The following BTG4 variants were observed in gnomAD, a reference collection of about 807,000 sequenced individuals.
BTG4 encodes the protein BTG anti-proliferation factor 4, also known as protein BTG4.
In BTG4, 10 loss-of-function variants were observed where a neutral mutation model predicts 19.3. That is an observed-to-expected ratio of 0.52 (90% CI 0.32 to 0.88). The LOEUF is 0.88. Ranked by LOEUF, BTG4 falls within the 40% of genes least tolerant of loss-of-function variation. The pLI is 0.04. For missense variants in BTG4, 238 were observed against 281.9 expected (o/e 0.84, Z 1.11); for synonymous variants, 91 against 95.7 (o/e 0.95, Z 0.29).
the BTG4 span, among the ~76,000 whole-genome samples, chr11:111,410,596 C>G: frequency 2.6e-5 from 4 of 152,182 alleles, no homozygotes; most frequent in Non-Finnish European, 5.9e-5. Flanking sequence ...AGCACTATGA[C>G]CAACTCATTG....
At chr11:111,492,190 T>C (rs553404794), downstream of BTG4, among the ~76,000 whole-genome samples, 1 of 152,212 alleles carries the variant, frequency 6.6e-6, no homozygotes, top group South Asian at 2.1e-4. Context: ...ATCAGCAGCA[T>C]GGGGTTCAGG....
At chr11:111,431,974 C>G in the BTG4 span, among the ~76,000 whole-genome samples, 1 of 152,064 alleles carries the variant, frequency 6.6e-6, no homozygotes, top group Admixed American at 6.5e-5. Flanking sequence ...GGAAACAAAG[C>G]TAGAGCCAAA....
the BTG4 span, among the ~76,000 whole-genome samples, chr11:111,403,670 A>G: frequency 1.4e-4 from 22 of 152,208 alleles, no homozygotes; most frequent in Non-Finnish European, 2.2e-4. Context: ...TGACAAATTA[A>G]GCCACTCTCA....
the BTG4 span, chr11:111,416,307 C>CCTCTCTTTCTCTCTCTCT: frequency 6.6e-6 from 1 of 151,934 alleles, no homozygotes; most frequent in Non-Finnish European, 1.5e-5. Flanking sequence ...CCTCTCTCTC[C>CCTCTCTTTCTCTCTCTCT]CTCTCTTTCT....
chr11:111,461,318 A>G, the BTG4 span, among the ~76,000 whole-genome samples: 2 of 152,164 alleles, frequency 1.3e-5, no homozygotes, highest in African/African-American at 2.4e-5. Flanking sequence ...GGGTGAGAAC[A>G]ATTTCCTGCC....
chr11:111,431,295 C>G, the BTG4 span, among the ~76,000 whole-genome samples: 6 of 152,034 alleles, frequency 3.9e-5, no homozygotes, highest in Non-Finnish European at 2.9e-5. Flanking sequence ...TTTTTTGGAG[C>G]CCTTGATGTG....
the BTG4 span, among the ~76,000 whole-genome samples, chr11:111,429,058 A>T: frequency 6.6e-6 from 1 of 152,200 alleles, no homozygotes; most frequent in African/African-American, 2.4e-5. Flanking sequence ...AATCTATATG[A>T]CTTAAAATTT....
the BTG4 span, among the ~76,000 whole-genome samples, chr11:111,442,365 G>T: frequency 6.6e-6 from 1 of 151,906 alleles, no homozygotes; most frequent in Non-Finnish European, 1.5e-5. Flanking sequence ...GCCAGGCATG[G>T]TGGTGCACAG....
chr11:111,460,633 C>A, the BTG4 span, among the ~76,000 whole-genome samples: 4 of 152,110 alleles, frequency 2.6e-5, no homozygotes, highest in South Asian at 8.3e-4. Flanking sequence ...AGAGAGACAG[C>A]AGAGAAAGTC....
chr11:111,488,888 G>A (rs61896877), intron 5 of BTG4, among the ~76,000 whole-genome samples: 10,634 of 152,208 alleles, frequency 0.07, 469 homozygotes, highest in Middle Eastern at 0.19. Context: ...GCTCAAGACT[G>A]TAATCCCAGC....
At chr11:111,423,571 C>T in the BTG4 span, among the ~76,000 whole-genome samples, 1 of 152,204 alleles carries the variant, frequency 6.6e-6, no homozygotes, top group Non-Finnish European at 1.5e-5. Flanking sequence ...TTCTTAGACA[C>T]CTTGCCCACC....
the BTG4 span, chr11:111,457,419 A>C: frequency 6.5e-6 from 1 of 153,318 alleles, no homozygotes; most frequent in Non-Finnish European, 1.5e-5. Context: ...AGCCCTCAGC[A>C]TTGTCCTCCC....
At chr11:111,476,619 T>A (rs1392425536) in intron 5 of BTG4, among the ~76,000 whole-genome samples, 1 of 152,112 alleles carries the variant, frequency 6.6e-6, no homozygotes, top group African/African-American at 2.4e-5. Flanking sequence ...AGTCATCAGG[T>A]AAGTACCAAA....
the BTG4 span, among the ~76,000 whole-genome samples, chr11:111,428,303 A>C: frequency 6.6e-6 from 1 of 151,364 alleles, no homozygotes; most frequent in East Asian, 1.9e-4. Context: ...AAGACCCTAC[A>C]CCCTTCTCTA....
At chr11:111,404,858 C>T in the BTG4 span, 1 of 344,428 alleles carries the variant, frequency 2.9e-6, no homozygotes, top group East Asian at 7.4e-5. Flanking sequence ...CAATATTGAA[C>T]AATTTCAAGC....
the BTG4 span, among the ~76,000 whole-genome samples, chr11:111,392,552 G>A: frequency 2.6e-5 from 4 of 152,102 alleles, no homozygotes; most frequent in African/African-American, 9.7e-5. Context: ...TCCAGGACAG[G>A]GCCAGAGGAC....
chr11:111,491,954 C>T (rs1242605429), downstream of BTG4, among the ~76,000 whole-genome samples: 1 of 151,906 alleles, frequency 6.6e-6, no homozygotes, highest in Non-Finnish European at 1.5e-5. Flanking sequence ...TTTTCCCCTA[C>T]ACATTTGCTC....
At chr11:111,399,913 G>C in the BTG4 span, among the ~76,000 whole-genome samples, 1 of 152,152 alleles carries the variant, frequency 6.6e-6, no homozygotes, top group African/African-American at 2.4e-5. Context: ...TGAGGTGTGA[G>C]GGTATTTGCG....
the BTG4 span, among the ~76,000 whole-genome samples, chr11:111,395,716 G>T: frequency 1.3e-5 from 2 of 152,168 alleles, no homozygotes; most frequent in Non-Finnish European, 2.9e-5. Flanking sequence ...GGGCCCACAG[G>T]CTGTCTTTGG....
Sources: gnomAD v4.1 joint callset for allele counts (sites outside exome capture counted in the v4.1 genomes callset) on GRCh38, gnomAD v4.1.1 for gene constraint, MANE v1.5 for transcripts, NCBI Gene and HGNC (gene_info 2026-07-23, HGNC 2026-07-21) for gene names.